Variants in CCPG1 observed in about 807,000 individuals in gnomAD.
The protein encoded by CCPG1 is cell cycle progression 1.
Under a neutral mutation model 81.3 loss-of-function variants are expected in CCPG1, and 46 were observed. That is an observed-to-expected ratio of 0.57 (90% CI 0.45 to 0.72). The LOEUF is 0.72. CCPG1 is among the 30% of genes least tolerant of loss of function. The probability of loss-of-function intolerance (pLI) is 0.00; values close to 1 mark genes in which losing one functional copy is unlikely to be tolerated. For synonymous variants in CCPG1, 330 were observed against 305.2 expected, an observed-to-expected ratio of 1.08 and a Z score of -0.85; for missense variants, 902 against 937.6, an observed-to-expected ratio of 0.96 and a Z score of 0.50.
chr15:55,373,560 G>A (rs191211576), intron 5 of CCPG1, among the ~76,000 whole-genome samples: 6 of 152,160 alleles, frequency 3.9e-5, no homozygotes, highest in Non-Finnish European at 7.4e-5. Context: ...AGATCTTTTT[G>A]GTCATGACCC....
intron 6 of CCPG1, among the ~76,000 whole-genome samples, chr15:55,370,302 C>G (rs1227642237): frequency 1.3e-5 from 2 of 151,978 alleles, no homozygotes; most frequent in Admixed American, 1.3e-4. Flanking sequence ...ACTAGCAAAA[C>G]GAAAAGTTAA....
Position 55,374,118 on chromosome 15 carries a change from C to T in CCPG1, c.455-2074G>A, listed in dbSNP as rs1465047510. The T allele has an allele frequency of 9.5e-6, 11 of 1,159,362 alleles. No individual in the cohort carries two copies. In the Admixed American group the frequency reaches 2.1e-4, roughly 22 times the overall value. The allele number at this position is 1,159,362 out of a possible 1,614,324, so 71.8% of individuals were successfully genotyped here. A position where few individuals can be genotyped will look rare whatever the true frequency, so the allele number is the denominator to read the frequency against. On this transcript the variant is annotated intron_variant, in intron 5 of 8. Transcript: ENST00000442196. ...AATAGTAAATGTGACTAGGCACACT[C>T]AGCTCTAGAGAAGCTGGTCAGATTT...
intron 6 of CCPG1, among the ~76,000 whole-genome samples, chr15:55,369,264 G>A (rs966021473): frequency 1.3e-5 from 2 of 152,070 alleles, no homozygotes; most frequent in South Asian, 2.1e-4. Context: ...TGCCAGGTGC[G>A]GTGGCTCACG....
chr15:55,407,496 A>T (rs186771792), intron 1 of CCPG1, among the ~76,000 whole-genome samples: 167 of 152,316 alleles, frequency 1.1e-3, no homozygotes, highest in African/African-American at 3.9e-3. Context: ...AAGAATGCCC[A>T]ACTGTGTTTT....
intron 1 of CCPG1, among the ~76,000 whole-genome samples, chr15:55,394,019 A>G (rs2056971857): frequency 6.6e-6 from 1 of 152,122 alleles, no homozygotes; most frequent in African/African-American, 2.4e-5. Flanking sequence ...TGTTTTGTCC[A>G]GTTCTTTGTT....
rs1192642459 is a variant in CCPG1 at position 55,356,257 on chromosome 15, A to G, written c.2387T>C (p.Ile796Thr). Residue 796 changes from isoleucine to threonine, a missense_variant, in exon 9 of 9, where the codon ATA becomes ACA. Physicochemically the swap from Ile to Thr is moderately conservative, Grantham distance 89 (BLOSUM62 -1). Coordinates refer to ENST00000442196, the MANE Select transcript of CCPG1 (RefSeq NM_001204450.2). ...ATCAAAAGGTAATTGCCCCAATTCT[A>G]TTTCAAGATTTGCCATTTGTCTTCC... ...TNGRQMANLE[I>T]ELGQLPFDPQ... is the part of the protein sequence containing the mutation. 2 of 1,534,754 alleles carry G rather than the reference A, an allele frequency of 1.3e-6. No homozygotes were observed. The highest frequency in any genetic ancestry group is 1.7e-6 in the Non-Finnish European group (2 of 1,146,412).
chr15:55,383,223 G>C (rs777912671), intron 3 of CCPG1, among the ~76,000 whole-genome samples: 35 of 152,290 alleles, frequency 2.3e-4, no homozygotes, highest in South Asian at 4.1e-4. Flanking sequence ...GATTGACCAG[G>C]TATTGCTATA....
intron 6 of CCPG1, among the ~76,000 whole-genome samples, chr15:55,365,641 G>A (rs148578418): frequency 0.045 from 6,742 of 151,370 alleles, 226 homozygotes; most frequent in Non-Finnish European, 0.067. Context: ...TCAAACTCCC[G>A]GCCTCAAGTG....
intron 2 of CCPG1, among the ~76,000 whole-genome samples, chr15:55,388,766 TA>T (rs34570707): frequency 0.26 from 34,689 of 131,896 alleles, 5,013 homozygotes; most frequent in Non-Finnish European, 0.36. Flanking sequence ...CCTGTCCCTT[TA>T]AAAAAAAAAA....
chr15:55,383,761 C>T lies in CCPG1; in HGVS notation c.175+1839G>A, dbSNP rs558598666. ...CAGCTAGCTTCCGCCTTTCTTTCTA[C>T]AGCTTCTTAACCACTCTTAGCCTTC... On this transcript the variant is annotated intron_variant, in intron 3 of 8. Coordinates refer to ENST00000442196, the MANE Select transcript of CCPG1 (RefSeq NM_001204450.2). Among the ~76,000 whole-genome samples, 23 of 152,330 alleles carry T rather than the reference C, an allele frequency of 1.5e-4. 1 individual carries two copies. The South Asian group carries it at 3.3e-3, about 22-fold the overall frequency.
At chr15:55,357,285 T>C (rs1257926644) in intron 8 of CCPG1, 2 of 981,956 alleles carry the variant, frequency 2.0e-6, no homozygotes, top group Non-Finnish European at 1.2e-6. Context: ...TACTTTCTAC[T>C]TCTCCTTCAC....
In CCPG1 at chr15:55,360,958, T is replaced by G. The variant is rs777821113; in HGVS notation, c.829-14A>C. 5.3e-6 allele frequency: 8 copies of G among 1,498,974 alleles called. No individual in the cohort carries two copies. Among genetic ancestry groups the G allele is most frequent in the Non-Finnish European group, 7.1e-6 (8 of 1,125,490 alleles). The allele number at this position is 1,498,974 out of a possible 1,614,324, so 92.9% of individuals were successfully genotyped here. On this transcript the variant is annotated splice_polypyrimidine_tract_variant and intron_variant, in intron 7 of 8. Transcript: ENST00000442196. ...TTCTTTCAATGACTACATTTTTTTT[T>G]GAAAGAGAAGAAATAAAATGTCAAA...
chr15:55,397,763 C>T (rs543166847), intron 1 of CCPG1, among the ~76,000 whole-genome samples: 7 of 152,164 alleles, frequency 4.6e-5, no homozygotes, highest in African/African-American at 1.2e-4. Context: ...GATCACTTGA[C>T]GTAAGGAGTT....
chr15:55,378,529 T>A (rs1376763274), intron 3 of CCPG1, among the ~76,000 whole-genome samples, 153 bp from the exon 4 acceptor site: 1 of 152,184 alleles, frequency 6.6e-6, no homozygotes, highest in East Asian at 1.9e-4. Flanking sequence ...TAGAAGTCAC[T>A]CCACTGTTGC....
intron 2 of CCPG1, among the ~76,000 whole-genome samples, chr15:55,386,559 T>C (rs997552734): frequency 6.6e-6 from 1 of 152,258 alleles, no homozygotes; most frequent in Non-Finnish European, 1.5e-5. Flanking sequence ...CTGCATTCTC[T>C]TGCGTATACA....
chr15:55,388,012 G>A (rs1034690658), intron 2 of CCPG1, among the ~76,000 whole-genome samples: 2 of 151,776 alleles, frequency 1.3e-5, no homozygotes, highest in South Asian at 2.1e-4. Flanking sequence ...TTAGTCGGGC[G>A]TGGTGGCACA....
At chr15:55,382,746 T>C (rs541291582) in intron 3 of CCPG1, among the ~76,000 whole-genome samples, 1 of 152,122 alleles carries the variant, frequency 6.6e-6, no homozygotes, top group Non-Finnish European at 1.5e-5. Context: ...CCTGACCTCA[T>C]GATCCGCCCA....
chr15:55,362,054 C>A (rs1481938400), intron 7 of CCPG1, among the ~76,000 whole-genome samples: 1 of 152,128 alleles, frequency 6.6e-6, no homozygotes, highest in East Asian at 1.9e-4. Flanking sequence ...AAATCATGGT[C>A]AATTCGGCTT....
chr15:55,357,009 G>T (rs1359135532), intron 8 of CCPG1: 35 of 985,310 alleles, frequency 3.6e-5, no homozygotes, highest in Non-Finnish European at 4.1e-5. Flanking sequence ...GGATTTTCAA[G>T]GTACCACTCC....
Sources: gnomAD v4.1 joint callset for allele counts (sites outside exome capture counted in the v4.1 genomes callset) on GRCh38, gnomAD v4.1.1 for gene constraint, MANE v1.5 for transcripts, NCBI Gene and HGNC (gene_info 2026-07-23, HGNC 2026-07-21) for gene names.